Variants in VEZT observed in about 807,000 individuals in gnomAD.
The protein encoded by VEZT is vezatin, adherens junctions transmembrane protein, also known as vezatin.
Under a neutral mutation model 79.9 loss-of-function variants are expected in VEZT, and 39 were observed. The observed-to-expected ratio is 0.49, with a 90% CI of 0.38 to 0.64. The LOEUF (loss-of-function observed/expected upper bound fraction) is 0.64, where lower values mean the gene tolerates loss of function less well. Ranked by LOEUF, VEZT falls within the 30% of genes least tolerant of loss-of-function variation. The pLI is 0.00. For synonymous variants in VEZT, 325 were observed against 327.6 expected, an observed-to-expected ratio of 0.99 and a Z score of 0.09; for missense variants, 837 against 893.1, an observed-to-expected ratio of 0.94 and a Z score of 0.80.
intron 9 of VEZT, among the ~76,000 whole-genome samples, chr12:95,290,431 A>T (rs928026121): frequency 6.6e-6 from 1 of 152,230 alleles, no homozygotes; most frequent in African/African-American, 2.4e-5. Flanking sequence ...TGTTACATCC[A>T]TCCATACAGT....
chr12:95,274,728 T>A lies in VEZT; in HGVS notation c.849-14T>A, dbSNP rs918075839. 1.4e-5 allele frequency: 23 copies of A among 1,605,384 alleles called. No homozygotes were observed. The highest frequency in any genetic ancestry group is 2.0e-5 in the Non-Finnish European group (23 of 1,177,174). On this transcript the variant is annotated splice_polypyrimidine_tract_variant and intron_variant, in intron 6 of 11. Coordinates refer to ENST00000436874, the MANE Select transcript of VEZT (RefSeq NM_017599.4). ...CATGAAAAGGCTTTGTTGATTGCCT[T>A]AACCTAATTTAACCTACCCCCTGAA... is the stretch of plus-strand genomic sequence containing the variant.
At chr12:95,229,183 G>A (rs2058904151) in intron 1 of VEZT, among the ~76,000 whole-genome samples, 1 of 152,074 alleles carries the variant, frequency 6.6e-6, no homozygotes, top group Non-Finnish European at 1.5e-5. Flanking sequence ...CTCCAGTTTA[G>A]ATTAAAATTT....
At chr12:95,295,223 C>T (rs1283575084) in intron 10 of VEZT, among the ~76,000 whole-genome samples, 1 of 152,140 alleles carries the variant, frequency 6.6e-6, no homozygotes, top group East Asian at 1.9e-4. Context: ...TGCAGGGGCG[C>T]GATCTCGGCT....
rs1394302078 is a variant in VEZT at position 95,270,100 on chromosome 12, C to T, written c.760C>T (p.His254Tyr). ...TAAAGCTGGACAGCATCCAAGTCAG[C>T]ATCTCATCGGTCTTCGGAAAGCTGT... The part of the protein sequence containing the change: ...FNKAGQHPSQ[H>Y]LIGLRKAVYR... Residue 254 changes from histidine to tyrosine, a missense_variant, in exon 6 of 12, where the codon CAT becomes TAT. His to Tyr is a moderately conservative substitution (Grantham distance 83, BLOSUM62 2). Transcript: ENST00000436874. 2 of 1,611,850 alleles carry T rather than the reference C, an allele frequency of 1.2e-6. No homozygotes were observed. Among genetic ancestry groups the T allele is most frequent in the East Asian group, 2.2e-5 (1 of 44,834 alleles).
In VEZT at chr12:95,263,037, T is replaced by C; in HGVS notation, c.390T>C (p.Asn130=). 3 of 1,612,654 alleles carry C rather than the reference T, an allele frequency of 1.9e-6. No homozygotes were observed. Among genetic ancestry groups the C allele is most frequent in the East Asian group, 2.2e-5 (1 of 44,868 alleles). Residue 130 remains asparagine (N), a synonymous_variant, in exon 4 of 12, where the codon AAT becomes AAC. Transcript: ENST00000436874. ...LSAGQSQQQE[N]GHLPTLCSLA... Reference sequence around the variant, plus strand: ...CAGGGCAATCTCAACAACAGGAAAATGGACACCTTCCAACACTTTGCTCCC... The same window carrying C: ...CAGGGCAATCTCAACAACAGGAAAACGGACACCTTCCAACACTTTGCTCCC...
At chr12:95,221,881 TAAAA>T (rs1177626677) in intron 1 of VEZT, among the ~76,000 whole-genome samples, 1 of 151,882 alleles carries the variant, frequency 6.6e-6, no homozygotes, top group African/African-American at 2.4e-5. Flanking sequence ...ATAATACAAA[TAAAA>T]AAACTATACA....
intron 1 of VEZT, among the ~76,000 whole-genome samples, chr12:95,251,633 A>G (rs1266673992): frequency 6.6e-6 from 1 of 152,232 alleles, no homozygotes; most frequent in Non-Finnish European, 1.5e-5. Flanking sequence ...AATTTGGGAC[A>G]GTGAAATTGC....
At chr12:95,273,881 G>T (rs951907048) in intron 6 of VEZT, among the ~76,000 whole-genome samples, 1 of 151,904 alleles carries the variant, frequency 6.6e-6, no homozygotes, top group Non-Finnish European at 1.5e-5. Context: ...ATGCAAAGAT[G>T]GTTCACGATC....
In VEZT at chr12:95,248,835, AAAAG is replaced by A. The variant is rs1233976049; in HGVS notation, c.37-3093_37-3090del. Among the ~76,000 whole-genome samples, 627 of 145,620 alleles carry A rather than the reference AAAAG, an allele frequency of 4.3e-3. 4 individuals carry two copies. Among genetic ancestry groups the A allele is most frequent in the Middle Eastern group, 0.035 (10 of 282 alleles). On this transcript the variant is annotated intron_variant, in intron 1 of 11. Coordinates refer to ENST00000436874, the MANE Select transcript of VEZT (RefSeq NM_017599.4). ...AGACCCTATCTCAAAAAAAAAAAAA[AAAAG>A]AAAGAAAGAAAAAGAAAAACAGAAA...
intron 3 of VEZT, among the ~76,000 whole-genome samples, chr12:95,259,520 A>T (rs1241066615): frequency 6.6e-6 from 1 of 152,200 alleles, no homozygotes; most frequent in African/African-American, 2.4e-5. Context: ...ACTTTTGCCA[A>T]AGAGGAAACT....
intron 1 of VEZT, among the ~76,000 whole-genome samples, chr12:95,236,421 G>C (rs979597618): frequency 6.6e-6 from 1 of 152,174 alleles, no homozygotes; most frequent in African/African-American, 2.4e-5. Context: ...TGGAAAGAGA[G>C]GGAGAGGGAG....
intron 7 of VEZT, chr12:95,275,730 T>A (rs2067557242): frequency 6.6e-6 from 1 of 152,014 alleles, no homozygotes; most frequent in South Asian, 2.1e-4. Flanking sequence ...AGAAGATAAG[T>A]TGGGTGCATG....
intron 1 of VEZT, among the ~76,000 whole-genome samples, chr12:95,221,478 T>C (rs2136440829): frequency 1.3e-5 from 2 of 151,744 alleles, no homozygotes; most frequent in African/African-American, 4.8e-5. Flanking sequence ...GGCATGAGAA[T>C]CGCTTGAACC....
intron 6 of VEZT, among the ~76,000 whole-genome samples, 177 bp from the exon 7 acceptor site, chr12:95,274,565 C>T (rs1423749491): frequency 1.3e-5 from 2 of 152,156 alleles, no homozygotes; most frequent in African/African-American, 4.8e-5. Flanking sequence ...TCCAAGATAT[C>T]TGAGGTATTA....
At chr12:95,266,727 T>A in intron 5 of VEZT, 95 bp downstream of exon 5, 6 of 1,322,640 alleles carry the variant, frequency 4.5e-6, no homozygotes, top group Non-Finnish European at 5.0e-6. Flanking sequence ...GTTGCATTTA[T>A]AGGAAAAAAA....
At chr12:95,219,268 C>T (rs1274022528) in intron 1 of VEZT, among the ~76,000 whole-genome samples, 1 of 151,998 alleles carries the variant, frequency 6.6e-6, no homozygotes, top group East Asian at 1.9e-4. Flanking sequence ...AATATATGCT[C>T]AAGGAACATT....
chr12:95,300,593 A>G lies in VEZT; in HGVS notation c.2260A>G (p.Thr754Ala). The change falls in exon 12 of 12, where the codon ACC becomes GCC. Residue 754 changes from threonine (T) to alanine (A), a missense_variant. Physicochemically the swap from Thr to Ala is moderately conservative, Grantham distance 58. Transcript: ENST00000436874. ...EVAARSLSFT[T>A]MQEQTFGGEE... ...GGCTGCTAGATCTCTCTCCTTTACC[A>G]CCATGCAGGAACAGACTTTTGGTGG... The G allele has an allele frequency of 5.6e-6, 9 of 1,613,788 alleles. No individual in the cohort carries two copies. Among genetic ancestry groups the G allele is most frequent in the East Asian group, 2.2e-5 (1 of 44,882 alleles).
At chr12:95,288,367 T>TA (rs544828716) in intron 9 of VEZT, among the ~76,000 whole-genome samples, 7 of 152,152 alleles carry the variant, frequency 4.6e-5, no homozygotes, top group Non-Finnish European at 8.8e-5. Flanking sequence ...TGCTACTAGG[T>TA]AAAAAAATAT....
rs1024383921 is a variant in VEZT at position 95,254,448 on chromosome 12, G to A, written c.168+2377G>A. Reference sequence around the variant, plus strand: ...TGCAACCTCCATCTCCCAGGTTCAAGCAATTCTCCTGCCTCAGCTTCCCAA... The same window carrying A: ...TGCAACCTCCATCTCCCAGGTTCAAACAATTCTCCTGCCTCAGCTTCCCAA... On this transcript the variant is annotated intron_variant, in intron 2 of 11. Transcript: ENST00000436874. Among the ~76,000 whole-genome samples the A allele has an allele frequency of 2.1e-5, 3 of 142,054 alleles. No homozygotes were observed. In the South Asian group the frequency reaches 6.9e-4, roughly 33 times the overall value. 93.2% of individuals were successfully genotyped at this position (142,054 alleles called of 152,430 possible).
Sources: allele counts gnomAD v4.1 joint callset (sites outside exome capture counted in the v4.1 genomes callset), GRCh38; gene constraint gnomAD v4.1.1; transcripts MANE v1.5; gene names NCBI Gene and HGNC (gene_info 2026-07-23, HGNC 2026-07-21).